Variants in ZNF594 observed in about 807,000 individuals in gnomAD.
ZNF594 encodes the protein zinc finger protein 594, also known as zinc finger protein HZF18.
For synonymous variants in ZNF594, 336 were observed against 309.4 expected (o/e 1.09, Z -0.90); for missense variants, 1,037 against 964.6 (o/e 1.08, Z -0.99).
intron 1 of ZNF594, among the ~76,000 whole-genome samples, chr17:5,186,006 G>A: frequency 6.6e-6 from 1 of 152,152 alleles, no homozygotes; most frequent in East Asian, 1.9e-4. Context: ...AGCTTTTCCA[G>A]GCATACGGTG....
chr17:5,183,686 C>G lies in ZNF594; in HGVS notation c.571G>C (p.Asp191His), dbSNP rs754708953. 1.2e-6 allele frequency: 2 copies of G among 1,614,180 alleles called. No individual in the cohort carries two copies. Among genetic ancestry groups the G allele is most frequent in the South Asian group, 2.2e-5 (2 of 91,068 alleles). ...KPYICHECGKDFNQSSNLVRH... is the reference protein window; with the variant it reads ...KPYICHECGKHFNQSSNLVRH... ...ACCAGATTGGAGCTCTGATTGAAGTCTTTTCCACATTCATGACATATATAA... is the reference window on the plus strand; with the variant it reads ...ACCAGATTGGAGCTCTGATTGAAGTGTTTTCCACATTCATGACATATATAA... Residue 191 changes from aspartate to histidine, a missense_variant, in exon 2 of 2, where the codon GAC becomes CAC. Coordinates refer to ENST00000575779, the MANE Select transcript of ZNF594 (RefSeq NM_032530.2).
Position 5,189,068 on chromosome 17 carries a change from T to A in ZNF594, c.-21+2680A>T, listed in dbSNP as rs142766275. Among the ~76,000 whole-genome samples the A allele has an allele frequency of 1.5e-4, 22 of 143,722 alleles. No individual in the cohort carries two copies. In the East Asian group the frequency reaches 2.4e-3, roughly 16 times the overall value. The allele number at this position is 143,722 out of a possible 152,430, so 94.3% of individuals were successfully genotyped here. A position where few individuals can be genotyped will look rare whatever the true frequency, so the allele number is the denominator to read the frequency against. ...AGCCAAAAATTTGACATTTTTAATT[T>A]AAAAAAAAATATTGAGTCATGTAGC... On this transcript the variant is annotated intron_variant, in intron 1 of 1. Coordinates refer to ENST00000575779, the MANE Select transcript of ZNF594 (RefSeq NM_032530.2).
Position 5,182,209 on chromosome 17 carries a change from C to T in ZNF594, c.2048G>A (p.Ser683Asn). 6.2e-7 allele frequency: 1 copy of T among 1,612,718 alleles called. No homozygotes were observed. Among genetic ancestry groups the T allele is most frequent in the Non-Finnish European group, 8.5e-7 (1 of 1,179,688 alleles). The part of the protein sequence containing the change: ...IHTGEKPYQC[S>N]ECGNAFRRRS... ...CCGCCTGAAGGCATTCCCACATTCA[C>T]TGCACTGATAGGGTTTCTCTCCAGT... The change falls in exon 2 of 2, where the codon AGT becomes AAT. Residue 683 changes from serine to asparagine, a missense_variant. Ser to Asn is a conservative substitution (Grantham distance 46). Transcript: ENST00000575779.
chr17:5,180,706 G>A lies in ZNF594; in HGVS notation c.*1127C>T, dbSNP rs867933539. 2.3e-5 allele frequency: 6 copies of A among 259,606 alleles called. No homozygotes were observed. The highest frequency in any genetic ancestry group is 1.5e-3 in the Middle Eastern group (1 of 668). 16.1% of individuals were successfully genotyped at this position (259,606 alleles called of 1,614,324 possible). On this transcript the variant is annotated 3_prime_UTR_variant, in exon 2 of 2. Coordinates refer to ENST00000575779, the MANE Select transcript of ZNF594 (RefSeq NM_032530.2). ...AATAAATAATTTAAAAAATTGTATC[G>A]TTGGGACCATATTCTAGTGTCAGTT...
chr17:5,175,861 A>G (rs1221700680), downstream of ZNF594, among the ~76,000 whole-genome samples: 1 of 152,098 alleles, frequency 6.6e-6, no homozygotes, highest in Non-Finnish European at 1.5e-5. Context: ...CTCAGCTTCT[A>G]TTTGTTCACC....
At chr17:5,186,441 C>A (rs2074387022) in intron 1 of ZNF594, among the ~76,000 whole-genome samples, 2 of 152,238 alleles carry the variant, frequency 1.3e-5, no homozygotes, top group Non-Finnish European at 2.9e-5. Flanking sequence ...GCCTGGCCCA[C>A]AAAACCATTT....
At position 5,182,350 on chromosome 17, in the gene ZNF594, C is replaced by T; in HGVS notation, c.1907G>A (p.Ser636Asn). 2.5e-6 allele frequency: 4 copies of T among 1,613,530 alleles called. No individual in the cohort carries two copies. Among genetic ancestry groups the T allele is most frequent in the Non-Finnish European group, 3.4e-6 (4 of 1,179,978 alleles). ...ACGATGGTGTTTAATAAGATCTGAG[C>T]TACCCCTAAAAGATTTCCCACATTT... is the stretch of plus-strand genomic sequence containing the variant. The part of the protein sequence containing the change: ...CNKCGKSFRG[S>N]SDLIKHHRIH... Residue 636 changes from serine to asparagine, a missense_variant, in exon 2 of 2, where the codon AGC becomes AAC. By Grantham distance (46) the Ser-to-Asn change is conservative. Transcript: ENST00000575779.
intron 1 of ZNF594, among the ~76,000 whole-genome samples, chr17:5,187,003 C>G (rs1197961273): frequency 6.6e-6 from 1 of 152,244 alleles, no homozygotes; most frequent in East Asian, 1.9e-4. Flanking sequence ...CTGAGCCCCC[C>G]AGACTGTTCC....
rs1457886078 is a variant in ZNF594 at position 5,182,386 on chromosome 17, T to C, written c.1871A>G (p.Tyr624Cys). 1.9e-6 allele frequency: 3 copies of C among 1,613,402 alleles called. No homozygotes were observed. The highest frequency in any genetic ancestry group is 2.2e-5 in the East Asian group (1 of 44,854). Residue 624 changes from tyrosine to cysteine, a missense_variant, in exon 2 of 2, where the codon TAT becomes TGT. By Grantham distance (194) the Tyr-to-Cys change is radical. Coordinates refer to ENST00000575779, the MANE Select transcript of ZNF594 (RefSeq NM_032530.2). Reference sequence around the variant, plus strand: ...AGATTTCCCACATTTGTTGCATACATAAGGTTTTTCTCCACTGTGAATTCT... The same window carrying C: ...AGATTTCCCACATTTGTTGCATACACAAGGTTTTTCTCCACTGTGAATTCT... ...HHRIHSGEKP[Y>C]VCNKCGKSFR...
Position 5,182,360 on chromosome 17 carries a change from A to G in ZNF594, c.1897T>C (p.Phe633Leu). 1.2e-6 allele frequency: 2 copies of G among 1,613,386 alleles called. No individual in the cohort carries two copies. Among genetic ancestry groups the G allele is most frequent in the Admixed American group, 1.7e-5 (1 of 60,002 alleles). Residue 633 changes from phenylalanine (F) to leucine (L), a missense_variant, in exon 2 of 2, where the codon TTT becomes CTT. By Grantham distance (22) the Phe-to-Leu change is conservative. Coordinates refer to ENST00000575779, the MANE Select transcript of ZNF594 (RefSeq NM_032530.2). ...TTAATAAGATCTGAGCTACCCCTAAAAGATTTCCCACATTTGTTGCATACA... is the reference window on the plus strand; with the variant it reads ...TTAATAAGATCTGAGCTACCCCTAAGAGATTTCCCACATTTGTTGCATACA... Reference protein sequence around the residue: ...PYVCNKCGKSFRGSSDLIKHH... With the variant: ...PYVCNKCGKSLRGSSDLIKHH...
In ZNF594 at chr17:5,181,758, T is replaced by C. The variant is rs762741223; in HGVS notation, c.*75A>G. 8.7e-6 allele frequency: 14 copies of C among 1,602,320 alleles called. No individual in the cohort carries two copies. The Admixed American group carries it at 1.3e-4, about 15-fold the overall frequency. ...CTCTCCAGTATGAACACGATGGTGT[T>C]TAATAAGATCTGAGCTGCTCCTAAA... On this transcript the variant is annotated 3_prime_UTR_variant, in exon 2 of 2. Coordinates refer to ENST00000575779, the MANE Select transcript of ZNF594 (RefSeq NM_032530.2).
chr17:5,177,790 T>A (rs1180223551), downstream of ZNF594, among the ~76,000 whole-genome samples: 18 of 152,002 alleles, frequency 1.2e-4, no homozygotes, highest in Non-Finnish European at 1.5e-5. Flanking sequence ...GAGCCGAGAT[T>A]GCGCCACTGC....
At chr17:5,175,774 TTGTC>T (rs1349631033), downstream of ZNF594, among the ~76,000 whole-genome samples, 3 of 151,740 alleles carry the variant, frequency 2.0e-5, no homozygotes, top group South Asian at 2.1e-4. Flanking sequence ...ATGCCCCTTG[TTGTC>T]TGTCTGGGAG....
intron 1 of ZNF594, among the ~76,000 whole-genome samples, chr17:5,186,023 G>A (rs143638834): frequency 1.4e-3 from 215 of 152,280 alleles, no homozygotes; most frequent in African/African-American, 4.6e-3. Flanking sequence ...GGTGCAAGCT[G>A]TAGGTGGATC....
At chr17:5,189,950 T>A (rs2074410651) in intron 1 of ZNF594, among the ~76,000 whole-genome samples, 1 of 152,088 alleles carries the variant, frequency 6.6e-6, no homozygotes, top group African/African-American at 2.4e-5. Flanking sequence ...AAATAATCAC[T>A]ACAAGGTCAC....
At chr17:5,185,207 C>T (rs890103939) in intron 1 of ZNF594, among the ~76,000 whole-genome samples, 14 of 152,178 alleles carry the variant, frequency 9.2e-5, no homozygotes, top group African/African-American at 3.4e-4. Context: ...AAAGACATAC[C>T]TGAGACTGGA....
intron 1 of ZNF594, among the ~76,000 whole-genome samples, chr17:5,187,667 C>T (rs1260239725): frequency 6.6e-6 from 1 of 152,092 alleles, no homozygotes; most frequent in African/African-American, 2.4e-5. Flanking sequence ...CTCTCAGTGC[C>T]CTAGCTTCGT....
intron 1 of ZNF594, among the ~76,000 whole-genome samples, chr17:5,190,557 T>G (rs1339249920): frequency 6.6e-6 from 1 of 152,172 alleles, no homozygotes; most frequent in East Asian, 1.9e-4. Context: ...GGGCACGCAT[T>G]AGGTGAAGCT....
rs2074362674 is a variant in ZNF594 at position 5,183,407 on chromosome 17, G to A, written c.850C>T (p.Pro284Ser). 6 of 1,613,334 alleles carry A rather than the reference G, an allele frequency of 3.7e-6. No homozygotes were observed. The highest frequency in any genetic ancestry group is 1.7e-5 in the Admixed American group (1 of 59,984). Residue 284 changes from proline (P) to serine (S), a missense_variant, in exon 2 of 2, where the codon CCA becomes TCA. Physicochemically the swap from Pro to Ser is moderately conservative, Grantham distance 74. Transcript: ENST00000575779. ...TCTCCAGTGTGAATTCTCTGATGTG[G>A]GACAAGGTGTGAACTTTGACTGAAC... is the stretch of plus-strand genomic sequence containing the variant. ...QMFSQSSHLVPHQRIHTGEKP... is the reference protein window; with the variant it reads ...QMFSQSSHLVSHQRIHTGEKP...
Sources: gnomAD v4.1 joint callset for allele counts (sites outside exome capture counted in the v4.1 genomes callset) on GRCh38, gnomAD v4.1.1 for gene constraint, MANE v1.5 for transcripts, NCBI Gene and HGNC (gene_info 2026-07-23, HGNC 2026-07-21) for gene names.